Variants in ANKS1A observed in about 807,000 individuals in gnomAD.
ANKS1A encodes ankyrin repeat and sterile alpha motif domain containing 1A.
In ANKS1A, 55 loss-of-function variants were observed where a neutral mutation model predicts 120.3. The ratio of observed to expected loss-of-function variants is 0.46; its 90% CI spans 0.37 to 0.57. The LOEUF is 0.57. Ranked by LOEUF, ANKS1A falls within the 20% of genes least tolerant of loss-of-function variation. The probability of loss-of-function intolerance (pLI) is 0.00; values close to 1 mark genes in which losing one functional copy is unlikely to be tolerated. For synonymous variants in ANKS1A, 590 were observed against 604.7 expected (o/e 0.98, Z 0.36); for missense variants, 1,123 against 1,480.3 (o/e 0.76, Z 3.96).
intron 8 of ANKS1A, among the ~76,000 whole-genome samples, chr6:34,986,475 C>A (rs187741973): frequency 5.3e-4 from 80 of 152,294 alleles, no homozygotes; most frequent in African/African-American, 1.8e-3. Flanking sequence ...TAGTGCTAAC[C>A]CCATCTGGAG....
At chr6:34,983,627 C>T (rs181724934) in intron 7 of ANKS1A, among the ~76,000 whole-genome samples, 22 of 152,160 alleles carry the variant, frequency 1.4e-4, no homozygotes, top group Non-Finnish European at 4.4e-5. Context: ...GGCCTCTTTC[C>T]TACTTTATTT....
At chr6:35,029,425 T>TG (rs1361457817) in intron 11 of ANKS1A, among the ~76,000 whole-genome samples, 1 of 149,664 alleles carries the variant, frequency 6.7e-6, no homozygotes, top group Non-Finnish European at 1.5e-5. Context: ...CTTGGTTCAC[T>TG]GCAACCTCCA....
intron 11 of ANKS1A, among the ~76,000 whole-genome samples, chr6:35,034,605 C>A (rs1427523639): frequency 3.3e-5 from 5 of 152,202 alleles, no homozygotes; most frequent in Non-Finnish European, 7.3e-5. Flanking sequence ...CTCTCACTTA[C>A]ATTAATTAAA....
At chr6:34,948,690 A>G (rs1276028600) in intron 1 of ANKS1A, among the ~76,000 whole-genome samples, 1 of 152,182 alleles carries the variant, frequency 6.6e-6, no homozygotes, top group Non-Finnish European at 1.5e-5. Flanking sequence ...AAGCGTACCA[A>G]AAACCATTCC....
chr6:34,889,338 T>G lies in ANKS1A; in HGVS notation c.-65T>G. ...GGTGCGTTGCCCGGAGACGGAAAGTTTGGGAGCCCGAGCAGGCTCGGCTGC... is the reference window on the plus strand; with the variant it reads ...GGTGCGTTGCCCGGAGACGGAAAGTGTGGGAGCCCGAGCAGGCTCGGCTGC... On this transcript the variant is annotated 5_prime_UTR_variant, in exon 1 of 24. Coordinates refer to ENST00000360359, the MANE Select transcript of ANKS1A (RefSeq NM_015245.3). This position sits in a 1 kb window ranked among gnomAD's most constrained non-coding sequence, Gnocchi z 5.5. 1 of 1,231,124 alleles carries G rather than the reference T, an allele frequency of 8.1e-7. No individual in the cohort carries two copies. The highest frequency in any genetic ancestry group is 1.0e-6 in the Non-Finnish European group (1 of 987,906). The allele number at this position is 1,231,124 out of a possible 1,614,324, so 76.3% of individuals were successfully genotyped here.
intron 11 of ANKS1A, chr6:35,038,280 G>GT (rs1332009572): frequency 1.1e-5 from 5 of 456,574 alleles, no homozygotes; most frequent in Non-Finnish European, 2.2e-5. Context: ...CTGGCACATT[G>GT]TTTGCATGCC....
At position 34,970,119 on chromosome 6, in the gene ANKS1A, C is replaced by A; in HGVS notation, c.388C>A (p.Arg130=). Residue 130 remains arginine (R), a synonymous_variant, in exon 3 of 24, where the codon CGG becomes AGG. Transcript: ENST00000360359. The part of the protein sequence containing the change: ...AAWKGDAQIV[R]LLIHQGPSHT... ...CTGGAAAGGAGATGCCCAGATAGTG[C>A]GGTTGCTCATCCATCAAGGGCCTTC... 6.2e-7 allele frequency: 1 copy of A among 1,613,972 alleles called. No homozygotes were observed. Among genetic ancestry groups the A allele is most frequent in the South Asian group, 1.1e-5 (1 of 91,054 alleles).
At chr6:34,929,033 ATAT>A (rs927589468) in intron 1 of ANKS1A, among the ~76,000 whole-genome samples, 40 of 152,290 alleles carry the variant, frequency 2.6e-4, no homozygotes, top group African/African-American at 8.4e-4. Flanking sequence ...TTTACTAAAG[ATAT>A]TATGGAAAAG....
intron 11 of ANKS1A, among the ~76,000 whole-genome samples, chr6:35,046,145 G>C (rs1369309888): frequency 6.6e-6 from 1 of 152,134 alleles, no homozygotes; most frequent in African/African-American, 2.4e-5. Flanking sequence ...TTTTGACCCT[G>C]ATTAATATGA....
the ANKS1A span, among the ~76,000 whole-genome samples, chr6:35,096,853 C>T: frequency 6.6e-6 from 1 of 151,678 alleles, no homozygotes; most frequent in African/African-American, 2.4e-5. Flanking sequence ...GGGCAAATTA[C>T]GTGAAGGAAA....
intron 1 of ANKS1A, among the ~76,000 whole-genome samples, chr6:34,960,030 G>A (rs887073988): frequency 1.3e-5 from 2 of 151,936 alleles, no homozygotes; most frequent in Non-Finnish European, 2.9e-5. Context: ...AACTCACCTC[G>A]ATGTCCTTTG....
intron 1 of ANKS1A, among the ~76,000 whole-genome samples, chr6:34,910,443 C>T (rs1177852622): frequency 1.3e-5 from 2 of 152,128 alleles, no homozygotes; most frequent in African/African-American, 2.4e-5. Context: ...TCCCTGCAGT[C>T]CCAGCTACTC....
intron 9 of ANKS1A, among the ~76,000 whole-genome samples, chr6:34,991,565 CACACACACACACACATATACACAT>C (rs1772521510): frequency 1.5e-5 from 2 of 137,484 alleles, no homozygotes; most frequent in Non-Finnish European, 1.6e-5. Context: ...CACACACACA[CACACACACACACACATATACACAT>C]ATATATATAC....
At chr6:35,016,508 A>G (rs1274409363) in intron 10 of ANKS1A, among the ~76,000 whole-genome samples, 1 of 152,176 alleles carries the variant, frequency 6.6e-6, no homozygotes, top group Non-Finnish European at 1.5e-5. Flanking sequence ...GTGCCAGTGT[A>G]GTGCTGATGT....
At chr6:35,066,397 C>T (rs979339340) in intron 13 of ANKS1A, among the ~76,000 whole-genome samples, 2 of 152,164 alleles carry the variant, frequency 1.3e-5, no homozygotes, top group African/African-American at 2.4e-5. Context: ...CAGATCTACA[C>T]GGCTGATTTG....
chr6:35,033,817 G>A (rs946516801), intron 11 of ANKS1A, among the ~76,000 whole-genome samples: 4 of 152,192 alleles, frequency 2.6e-5, no homozygotes, highest in Non-Finnish European at 5.9e-5. Flanking sequence ...TCTGTGCTCT[G>A]GAAGGGGTTC....
intron 19 of ANKS1A, 28 bp from the exon 20 acceptor site, chr6:35,083,387 ACT>A (rs1561967311): frequency 1.9e-6 from 3 of 1,607,964 alleles, no homozygotes; most frequent in Non-Finnish European, 2.6e-6. Context: ...GAGAAGGGGC[ACT>A]GACAGGGCCA....
chr6:35,021,993 A>C (rs980826866), intron 11 of ANKS1A, among the ~76,000 whole-genome samples: 7 of 151,822 alleles, frequency 4.6e-5, no homozygotes, highest in Admixed American at 3.3e-4. Flanking sequence ...CTAAAAAAAA[A>C]AAAAAACAAA....
intron 13 of ANKS1A, among the ~76,000 whole-genome samples, chr6:35,074,366 G>A (rs918850373): frequency 6.6e-6 from 1 of 151,994 alleles, no homozygotes; most frequent in Admixed American, 6.6e-5. Flanking sequence ...TTGGGAGGTC[G>A]AGGCAGGAAG....
Sources: allele counts gnomAD v4.1 joint callset (sites outside exome capture counted in the v4.1 genomes callset), GRCh38; gene constraint gnomAD v4.1.1; non-coding constraint Gnocchi (gnomAD v3.1); transcripts MANE v1.5; gene names NCBI Gene and HGNC (gene_info 2026-07-23, HGNC 2026-07-21).